Variants in PRSS8 observed in about 807,000 individuals in gnomAD.
PRSS8 encodes the protein serine protease 8, also known as prostasin.
PRSS8 carries 11 observed loss-of-function variants against 26.7 expected under a neutral mutation model. That is an observed-to-expected ratio of 0.41 (90% CI 0.26 to 0.68). The LOEUF is 0.68. PRSS8 is among the 30% of genes least tolerant of loss of function. PRSS8 has a pLI of 0.30. For missense variants in PRSS8, 362 were observed against 443.5 expected (o/e 0.82, Z 1.65); for synonymous variants, 183 against 187.0 (o/e 0.98, Z 0.17).
In PRSS8 at chr16:31,131,865, C is replaced by T; in HGVS notation, c.*144G>A. 1.1e-6 allele frequency: 1 copy of T among 889,294 alleles called. No homozygotes were observed. Among genetic ancestry groups the T allele is most frequent in the Non-Finnish European group, 1.7e-6 (1 of 605,528 alleles). The allele number at this position is 889,294 out of a possible 1,614,324, so 55.1% of individuals were successfully genotyped here. A position where few individuals can be genotyped will look rare whatever the true frequency, so the allele number is the denominator to read the frequency against. ...AAAAGCACACCCAGAAGAATGGGCT[C>T]AAAGATCAAGATGGGGCCCCAGCCT... On this transcript the variant is annotated 3_prime_UTR_variant, in exon 6 of 6. Coordinates refer to ENST00000317508, the MANE Select transcript of PRSS8 (RefSeq NM_002773.5).
Position 31,135,426 on chromosome 16 carries a change from G to C in PRSS8, c.73C>G (p.Arg25Gly). Residue 25 changes from arginine (R) to glycine (G), a missense_variant, in exon 1 of 6, where the codon CGG (arginine) becomes GGG (glycine). Arg to Gly is a moderately radical substitution (Grantham distance 125). Transcript: ENST00000317508. Reference protein sequence around the residue: ...VAILLYLGLLRSGTGAEGAEA... With the variant: ...VAILLYLGLLGSGTGAEGAEA... ...CGTCCTCACTTACCTGTCCCCGACC[G>C]GAGTAATCCAAGATAGAGCAGAATG... 1.3e-6 allele frequency: 2 copies of C among 1,594,680 alleles called. No individual in the cohort carries two copies. Among genetic ancestry groups the C allele is most frequent in the Non-Finnish European group, 1.7e-6 (2 of 1,171,116 alleles).
rs778163762 is a variant in PRSS8 at position 31,132,379 on chromosome 16, C to A, written c.706-44G>T. On this transcript the variant is annotated intron_variant, in intron 5 of 5. Coordinates refer to ENST00000317508, the MANE Select transcript of PRSS8 (RefSeq NM_002773.5). The surrounding 1 kb of genome is among the most constrained non-coding windows in gnomAD (Gnocchi z 5.2). ...CAGCAGCCATCAGGACCGGGCCAGG[C>A]CTCCTTTCCGAAGTTGCACTGGTCA... 1 of 1,613,884 alleles carries A rather than the reference C, an allele frequency of 6.2e-7. No individual in the cohort carries two copies. Among genetic ancestry groups the A allele is most frequent in the Admixed American group, 1.7e-5 (1 of 60,018 alleles).
At position 31,133,727 on chromosome 16, in the gene PRSS8, C is replaced by T. The variant is rs895121079; in HGVS notation, c.104-339G>A. On this transcript the variant is annotated intron_variant, in intron 2 of 5. Transcript: ENST00000317508. This position sits in a 1 kb window ranked among gnomAD's most constrained non-coding sequence, Gnocchi z 4.7. ...TCCAGACAGACCATGGCACCGCCAT[C>T]GGACCCAGCCGTCCCCTCTGGACCC... Among the ~76,000 whole-genome samples, 2 of 152,208 alleles carry T rather than the reference C, an allele frequency of 1.3e-5. No homozygotes were observed. The highest frequency in any genetic ancestry group is 4.8e-5 in the African/African-American group (2 of 41,454).
intron 2 of PRSS8, chr16:31,134,886 A>C: frequency 3.9e-6 from 2 of 514,014 alleles, no homozygotes; most frequent in Non-Finnish European, 7.0e-6. Flanking sequence ...AAAAGACAAA[A>C]ACCAAACCAA....
rs910471940 is a variant in PRSS8, at chr16:31,132,449, C to A, written c.685G>T (p.Gly229Trp). 1 of 1,613,970 alleles carries A rather than the reference C, an allele frequency of 6.2e-7. No homozygotes were observed. Among genetic ancestry groups the A allele is most frequent in the Non-Finnish European group, 8.5e-7 (1 of 1,179,820 alleles). ...CTTACCTGGCAGGCGTCCTTGCCCC[C>A]CTCCACATAGCCAGCACACACCATG... Reference protein sequence around the residue: ...EDMVCAGYVEGGKDACQGDSG... With the variant: ...EDMVCAGYVEWGKDACQGDSG... Residue 229 changes from glycine (G) to tryptophan (W), a missense_variant, in exon 5 of 6, where the codon GGG becomes TGG. Transcript: ENST00000317508. The surrounding 1 kb of genome is among the most constrained non-coding windows in gnomAD (Gnocchi z 5.2).
rs780733255 is a variant in PRSS8 at position 31,132,187 on chromosome 16, AC to A, written c.853del (p.Val285Ter). On this transcript the variant is annotated frameshift_variant, in exon 6 of 6. Transcript: ENST00000317508. LOFTEE classifies it low-confidence loss of function (END_TRUNC). This position sits in a 1 kb window ranked among gnomAD's most constrained non-coding sequence, Gnocchi z 5.2. Reference protein sequence around the residue: ...SSYASWIQSKVTELQPRVVPQ... With the variant: ...SSYASWIQSKXTELQPRVVPQ... ...CACCACACGAGGCTGGAGTTCTGTC[AC>A]CTTGCTTTGGATCCAGGAGGCATAG... 6.2e-7 allele frequency: 1 copy of A among 1,613,826 alleles called. No homozygotes were observed. Among genetic ancestry groups the A allele is most frequent in the South Asian group, 1.1e-5 (1 of 91,062 alleles).
Position 31,132,501 on chromosome 16 carries a change from A to G in PRSS8, c.633T>C (p.Pro211=), listed in dbSNP as rs1459612186. The change falls in exon 5 of 6, where the codon CCT becomes CCC. Residue 211 remains proline (P), a synonymous_variant. Transcript: ENST00000317508. The surrounding 1 kb of genome is among the most constrained non-coding windows in gnomAD (Gnocchi z 5.2). ...CNCLYNIDAK[P]EEPHFVQEDM... ...CCTCTTGGACAAAGTGCGGCTCCTC[A>G]GGCTTGGCGTCGATGTTGTACAGGC... The G allele has an allele frequency of 1.2e-6, 2 of 1,613,892 alleles. No individual in the cohort carries two copies. The highest frequency in any genetic ancestry group is 1.7e-6 in the Non-Finnish European group (2 of 1,179,896).
Position 31,132,743 on chromosome 16 carries a change from G to C in PRSS8, c.477C>G (p.Asn159Lys). ...AGTGGAGGCCGTTGGGGAAGGAGGCGTTGGCTGCAGGGAGGCAGATGGGCC... is the reference window on the plus strand; with the variant it reads ...AGTGGAGGCCGTTGGGGAAGGAGGCCTTGGCTGCAGGGAGGCAGATGGGCC... Reference protein sequence around the residue: ...YIRPICLPAANASFPNGLHCT... With the variant: ...YIRPICLPAAKASFPNGLHCT... Residue 159 changes from asparagine to lysine, a missense_variant, in exon 4 of 6, where the codon AAC becomes AAG. Asn to Lys is a moderately conservative substitution (Grantham distance 94). Coordinates refer to ENST00000317508, the MANE Select transcript of PRSS8 (RefSeq NM_002773.5). This position sits in a 1 kb window ranked among gnomAD's most constrained non-coding sequence, Gnocchi z 5.2. The C allele has an allele frequency of 6.2e-7, 1 of 1,614,016 alleles. No homozygotes were observed. The highest frequency in any genetic ancestry group is 8.5e-7 in the Non-Finnish European group (1 of 1,179,886).
chr16:31,135,516 C>T lies in PRSS8; in HGVS notation c.-18G>A. On this transcript the variant is annotated 5_prime_UTR_variant, in exon 1 of 6. Coordinates refer to ENST00000317508, the MANE Select transcript of PRSS8 (RefSeq NM_002773.5). ...TGGGCCATGGCCCAGGACAAGGGCC[C>T]CTGGGGCAGACTCCAGGCACGCAAG... 2 of 1,525,664 alleles carry T rather than the reference C, an allele frequency of 1.3e-6. No individual in the cohort carries two copies. The highest frequency in any genetic ancestry group is 1.8e-6 in the Non-Finnish European group (2 of 1,138,940). The allele number at this position is 1,525,664 out of a possible 1,614,324, so 94.5% of individuals were successfully genotyped here.
chr16:31,135,589 C>G lies in PRSS8; in HGVS notation c.-91G>C. 9.1e-7 allele frequency: 1 copy of G among 1,104,010 alleles called. No homozygotes were observed. The allele number at this position is 1,104,010 out of a possible 1,614,324, so 68.4% of individuals were successfully genotyped here. ...CGAAGGCAGGACCCAGATGTTGGCTCAGAGGGAAGGATCCCAGAATCCGGG... is the reference window on the plus strand; with the variant it reads ...CGAAGGCAGGACCCAGATGTTGGCTGAGAGGGAAGGATCCCAGAATCCGGG... On this transcript the variant is annotated 5_prime_UTR_variant, in exon 1 of 6. Coordinates refer to ENST00000317508, the MANE Select transcript of PRSS8 (RefSeq NM_002773.5).
chr16:31,134,190 T>C (rs1424418651), intron 2 of PRSS8: 3 of 152,454 alleles, frequency 2.0e-5, no homozygotes, highest in Non-Finnish European at 4.4e-5. Flanking sequence ...GAGGCCACTT[T>C]GGAGTGGAGC....
Position 31,132,817 on chromosome 16 carries a change from T to G in PRSS8, c.403A>C (p.Ile135Leu), listed in dbSNP as rs755072371. 6.2e-7 allele frequency: 1 copy of G among 1,613,892 alleles called. No homozygotes were observed. Among genetic ancestry groups the G allele is most frequent in the South Asian group, 1.1e-5 (1 of 91,080 alleles). ...SYLQEGSQGDIALLQLSRPIT... is the reference protein window; with the variant it reads ...SYLQEGSQGDLALLQLSRPIT... ...GGTCTGCTGAGTTGGAGGAGTGCAA[T>G]GTCGCCCTGGGAGCCCTCCTGGAGG... The change falls in exon 4 of 6, where the codon ATT becomes CTT. Residue 135 changes from isoleucine (I) to leucine (L), a missense_variant. Ile to Leu is a conservative substitution (Grantham distance 5, BLOSUM62 2). Coordinates refer to ENST00000317508, the MANE Select transcript of PRSS8 (RefSeq NM_002773.5). The surrounding 1 kb of genome is among the most constrained non-coding windows in gnomAD (Gnocchi z 5.2).
chr16:31,135,544 A>G lies in PRSS8; in HGVS notation c.-46T>C. 6.8e-7 allele frequency: 1 copy of G among 1,462,570 alleles called. No homozygotes were observed. The highest frequency in any genetic ancestry group is 9.1e-7 in the Non-Finnish European group (1 of 1,095,394). The allele number at this position is 1,462,570 out of a possible 1,614,324, so 90.6% of individuals were successfully genotyped here. On this transcript the variant is annotated 5_prime_UTR_variant, in exon 1 of 6. Transcript: ENST00000317508. ...GGGGCAGACTCCAGGCACGCAAGGT[A>G]GGAAGCCTTGGGGTGGTGTCGAAGG...
chr16:31,135,645 G>T lies in PRSS8; in HGVS notation c.-147C>A, dbSNP rs1411129128. On this transcript the variant is annotated 5_prime_UTR_variant, in exon 1 of 6. Coordinates refer to ENST00000317508, the MANE Select transcript of PRSS8 (RefSeq NM_002773.5). ...AAGGGGCAGCAAGTGTCCAAGGCTG[G>T]CCTCTAAGGCAGGGAGCGGCCGCAA... The T allele has an allele frequency of 1.4e-6, 1 of 716,216 alleles. No homozygotes were observed. The allele number at this position is 716,216 out of a possible 1,614,324, so 44.4% of individuals were successfully genotyped here.
At chr16:31,135,254 G>C (rs2057599757) in intron 1 of PRSS8, 83 bp from the exon 2 acceptor site, 1 of 1,603,822 alleles carries the variant, frequency 6.2e-7, no homozygotes, top group African/African-American at 1.3e-5. Context: ...GCTCCAGAGG[G>C]CTGGCCCCTT....
Position 31,131,566 on chromosome 16 carries a change from C to T in PRSS8, c.*443G>A, listed in dbSNP as rs1399345790. On this transcript the variant is annotated 3_prime_UTR_variant, in exon 6 of 6. Coordinates refer to ENST00000317508, the MANE Select transcript of PRSS8 (RefSeq NM_002773.5). ...TCGGGGGCGCTCAGCGGCCAGTGGG[C>T]AAGATTGGGGCCTTTCCTGTCCTCG... is the stretch of plus-strand genomic sequence containing the variant. 3 of 510,920 alleles carry T rather than the reference C, an allele frequency of 5.9e-6. No individual in the cohort carries two copies. Among genetic ancestry groups the T allele is most frequent in the East Asian group, 6.7e-5 (2 of 30,058 alleles). 31.6% of individuals were successfully genotyped at this position (510,920 alleles called of 1,614,324 possible). A position where few individuals can be genotyped will look rare whatever the true frequency, so the allele number is the denominator to read the frequency against.
chr16:31,135,246 T>A, intron 1 of PRSS8, 75 bp from the exon 2 acceptor site: 1 of 1,606,154 alleles, frequency 6.2e-7, no homozygotes, highest in Admixed American at 1.7e-5. Context: ...CCACCACTGC[T>A]CCAGAGGGCT....
chr16:31,131,666 G>A lies in PRSS8; in HGVS notation c.*343C>T, dbSNP rs549472044. On this transcript the variant is annotated 3_prime_UTR_variant, in exon 6 of 6. Transcript: ENST00000317508. ...GATGTGCTCATCAGTCTGGGCAGGCGGGCCGGGAGCAGTCTTCCAGAAACA... is the reference window on the plus strand; with the variant it reads ...GATGTGCTCATCAGTCTGGGCAGGCAGGCCGGGAGCAGTCTTCCAGAAACA... 2.5e-5 allele frequency: 10 copies of A among 406,718 alleles called. No individual in the cohort carries two copies. The highest frequency in any genetic ancestry group is 4.3e-5 in the East Asian group (1 of 23,196). 25.2% of individuals were successfully genotyped at this position (406,718 alleles called of 1,614,324 possible). A position where few individuals can be genotyped will look rare whatever the true frequency, so the allele number is the denominator to read the frequency against.
At chr16:31,135,366 G>T in intron 1 of PRSS8, 48 bp downstream of exon 1, 1 of 1,571,746 alleles carries the variant, frequency 6.4e-7, no homozygotes, top group Non-Finnish European at 8.7e-7. Flanking sequence ...GATCACGCCG[G>T]CTCCCTCCAG....
Sources: allele counts gnomAD v4.1 joint callset (sites outside exome capture counted in the v4.1 genomes callset), GRCh38; gene constraint gnomAD v4.1.1; non-coding constraint Gnocchi (gnomAD v3.1); transcripts MANE v1.5; gene names NCBI Gene and HGNC (gene_info 2026-07-23, HGNC 2026-07-21).